ARFGEF3: variants seen among roughly 807,000 people sequenced by gnomAD.
ARFGEF3 encodes the protein brefeldin A-inhibited guanine nucleotide-exchange protein 3.
In ARFGEF3, 96 loss-of-function variants were observed where a neutral mutation model predicts 221.7. That is an observed-to-expected ratio of 0.43 (90% CI 0.37 to 0.51). The LOEUF is 0.51. Among genes scored for constraint, ARFGEF3 ranks in the 20% least tolerant of loss-of-function variants. The pLI, the probability that ARFGEF3 is intolerant of heterozygous loss-of-function variation, is 0.00. For synonymous variants in ARFGEF3, 1,145 were observed against 1,126.8 expected (o/e 1.02, Z -0.32); for missense variants, 2,410 against 2,789.9 (o/e 0.86, Z 3.07).
chr6:138,183,170 G>A (rs1334051073), intron 2 of ARFGEF3, among the ~76,000 whole-genome samples: 1 of 152,110 alleles, frequency 6.6e-6, no homozygotes, highest in African/African-American at 2.4e-5. Flanking sequence ...AAGGGCAGAG[G>A]GAGAGGGCTG....
At chr6:138,209,862 C>T (rs1777690135) in intron 3 of ARFGEF3, 48 bp from the exon 4 acceptor site, 1 of 1,600,800 alleles carries the variant, frequency 6.2e-7, no homozygotes, top group African/African-American at 1.3e-5. Flanking sequence ...CCAAATAAGG[C>T]AGCAGGGGAG....
chr6:138,269,123 A>G (rs895005509), intron 12 of ARFGEF3, among the ~76,000 whole-genome samples: 2 of 152,176 alleles, frequency 1.3e-5, no homozygotes, highest in African/African-American at 4.8e-5. Flanking sequence ...TGATTTTGCT[A>G]CCATTATCCT....
At chr6:138,299,713 T>G (rs1779595698) in intron 22 of ARFGEF3, among the ~76,000 whole-genome samples, 1 of 151,988 alleles carries the variant, frequency 6.6e-6, no homozygotes, top group African/African-American at 2.4e-5. Flanking sequence ...CAGACGTGAG[T>G]GCACAGAAAC....
intron 29 of ARFGEF3, 35 bp from the exon 30 acceptor site, chr6:138,323,632 CAACA>C (rs1363527865): frequency 1.3e-6 from 2 of 1,528,708 alleles, no homozygotes; most frequent in Non-Finnish European, 1.8e-6. Flanking sequence ...ACAACAACAA[CAACA>C]AAAAAAAAAC....
chr6:138,297,549 C>G (rs1779544324), intron 21 of ARFGEF3, among the ~76,000 whole-genome samples: 2 of 152,208 alleles, frequency 1.3e-5, no homozygotes, highest in Admixed American at 6.5e-5. Context: ...GCAGTGATAA[C>G]TATTCTTAAT....
rs747121589 is a variant in ARFGEF3, at chr6:138,334,488, G to A, written c.5642G>A (p.Arg1881Gln). 14 of 1,604,922 alleles carry A rather than the reference G, an allele frequency of 8.7e-6. No individual in the cohort carries two copies. In the East Asian group the frequency reaches 1.4e-4, roughly 15 times the overall value. ...AGAGGCAAGGAGAAGAGACAGTGGCGGGCACGGATGCCCTTGCTCAGCGTC... is the reference window on the plus strand; with the variant it reads ...AGAGGCAAGGAGAAGAGACAGTGGCAGGCACGGATGCCCTTGCTCAGCGTC... ...PPRGKEKRQW[R>Q]ARMPLLSVQP... The change falls in exon 33 of 34, where the codon CGG (arginine) becomes CAG (glutamine). Residue 1881 changes from arginine (R) to glutamine (Q), a missense_variant. This residue lies in a region of ARFGEF3 where 723 missense variants were observed against 991.9 expected (regional missense o/e 0.73). Transcript: ENST00000251691. This position sits in a 1 kb window ranked among gnomAD's most constrained non-coding sequence, Gnocchi z 5.1.
At chr6:138,204,551 A>G (rs1422212792) in intron 2 of ARFGEF3, among the ~76,000 whole-genome samples, 7 of 152,170 alleles carry the variant, frequency 4.6e-5, no homozygotes, top group African/African-American at 1.7e-4. Flanking sequence ...TTTGTGCTTT[A>G]GCAGAGTTGA....
chr6:138,218,470 C>A, intron 4 of ARFGEF3: 1 of 1,458,490 alleles, frequency 6.9e-7, no homozygotes, highest in Non-Finnish European at 9.0e-7. Context: ...CATCAATTAG[C>A]CACCTCGATA....
Position 138,206,343 on chromosome 6 carries a change from C to CTT in ARFGEF3, c.138-685_138-684dup, listed in dbSNP as rs542624433. Among the ~76,000 whole-genome samples, 183 of 135,046 alleles carry CTT rather than the reference C, an allele frequency of 1.4e-3. 1 individual carries two copies. Among genetic ancestry groups the CTT allele is most frequent in the African/African-American group, 4.6e-3 (169 of 37,108 alleles). 88.6% of individuals were successfully genotyped at this position (135,046 alleles called of 152,430 possible). A position where few individuals can be genotyped will look rare whatever the true frequency, so the allele number is the denominator to read the frequency against. ...CCTTTAAAATATCCAAATATCTCTC[C>CTT]TTTTTTTTTTTTTTTGTCTCTCCCC... On this transcript the variant is annotated intron_variant, in intron 2 of 33. Transcript: ENST00000251691.
intron 17 of ARFGEF3, among the ~76,000 whole-genome samples, chr6:138,289,456 T>G (rs1779358775): frequency 1.3e-5 from 2 of 152,222 alleles, no homozygotes; most frequent in South Asian, 4.1e-4. Flanking sequence ...TTCTTCCATT[T>G]GACCAATTTT....
chr6:138,293,192 T>C (rs1295887174), intron 19 of ARFGEF3, among the ~76,000 whole-genome samples: 1 of 152,204 alleles, frequency 6.6e-6, no homozygotes, highest in African/African-American at 2.4e-5. Flanking sequence ...TGCCCTGCGG[T>C]GTCACTAGGC....
chr6:138,265,522 A>G (rs915761553), intron 12 of ARFGEF3, among the ~76,000 whole-genome samples: 8 of 152,128 alleles, frequency 5.3e-5, no homozygotes. Flanking sequence ...TACTCTTCCT[A>G]AAAAATTATT....
At position 138,218,475 on chromosome 6, in the gene ARFGEF3, T is replaced by TC; in HGVS notation, c.351+8435dup. On this transcript the variant is annotated intron_variant, in intron 4 of 33. Coordinates refer to ENST00000251691, the MANE Select transcript of ARFGEF3 (RefSeq NM_020340.5). The stretch of plus-strand genomic sequence containing the variant: ...AATTATTATACATCAATTAGCCACC[T>TC]CGATATATTTAAGGTCCTAACCATC... 2.7e-6 allele frequency: 4 copies of TC among 1,457,362 alleles called. 1 individual carries two copies. The highest frequency in any genetic ancestry group is 3.1e-5 in the South Asian group (2 of 65,536). 90.3% of individuals were successfully genotyped at this position (1,457,362 alleles called of 1,614,324 possible). A position where few individuals can be genotyped will look rare whatever the true frequency, so the allele number is the denominator to read the frequency against.
Position 138,200,467 on chromosome 6 carries a change from A to T in ARFGEF3, c.138-6575A>T, listed in dbSNP as rs1453749580. Among the ~76,000 whole-genome samples the T allele has an allele frequency of 2.0e-5, 3 of 152,216 alleles. No individual in the cohort carries two copies. In the East Asian group the frequency reaches 5.8e-4, roughly 29 times the overall value. On this transcript the variant is annotated intron_variant, in intron 2 of 33. Coordinates refer to ENST00000251691, the MANE Select transcript of ARFGEF3 (RefSeq NM_020340.5). ...CACTAAAACAGTGTGGTACTGGTAT[A>T]AAAATAGGCACATAGACCAATGGAA...
intron 4 of ARFGEF3, among the ~76,000 whole-genome samples, chr6:138,223,640 C>T (rs1210418550): frequency 6.6e-6 from 1 of 152,200 alleles, no homozygotes; most frequent in Non-Finnish European, 1.5e-5. Context: ...AATATGCCCT[C>T]ATGCCCACCA....
intron 2 of ARFGEF3, among the ~76,000 whole-genome samples, chr6:138,201,399 G>A (rs1777533618): frequency 6.6e-6 from 1 of 152,170 alleles, no homozygotes; most frequent in Non-Finnish European, 1.5e-5. Flanking sequence ...ATTCACAATT[G>A]CAAAATCGTG....
At chr6:138,175,356 G>T (rs1776919848) in intron 2 of ARFGEF3, among the ~76,000 whole-genome samples, 1 of 152,186 alleles carries the variant, frequency 6.6e-6, no homozygotes, top group South Asian at 2.1e-4. Flanking sequence ...TGAGGAGACT[G>T]CACCCTTGCT....
At chr6:138,256,314 C>A (rs781235672) in intron 10 of ARFGEF3, among the ~76,000 whole-genome samples, 17 of 152,112 alleles carry the variant, frequency 1.1e-4, no homozygotes, top group Non-Finnish European at 2.9e-5. Context: ...GGTTTTGAGG[C>A]AGAATTAGGG....
At chr6:138,177,776 T>G (rs1056046779) in intron 2 of ARFGEF3, among the ~76,000 whole-genome samples, 1 of 152,032 alleles carries the variant, frequency 6.6e-6, no homozygotes. Context: ...TTGAATATAT[T>G]TTGTAATTCC....
Sources: allele counts gnomAD v4.1 joint callset (sites outside exome capture counted in the v4.1 genomes callset), GRCh38; gene constraint gnomAD v4.1.1; regional missense constraint gnomAD v4.1.1; non-coding constraint Gnocchi (gnomAD v3.1); transcripts MANE v1.5; gene names NCBI Gene and HGNC (gene_info 2026-07-23, HGNC 2026-07-21).